The following STK39 variants were observed in gnomAD, a reference collection of about 807,000 sequenced individuals.
STK39 encodes the protein serine/threonine kinase 39.
Under a neutral mutation model 77.8 loss-of-function variants are expected in STK39, and 20 were observed. The observed-to-expected ratio is 0.26, with a 90% CI of 0.18 to 0.37. The LOEUF (loss-of-function observed/expected upper bound fraction) is 0.37, where lower values mean the gene tolerates loss of function less well. Ranked by LOEUF, STK39 falls within the 10% of genes least tolerant of loss-of-function variation. The pLI, the probability that STK39 is intolerant of heterozygous loss-of-function variation, is 1.00. For missense variants in STK39, 479 were observed against 656.5 expected, an observed-to-expected ratio of 0.73 and a Z score of 2.95; for synonymous variants, 246 against 234.1, an observed-to-expected ratio of 1.05 and a Z score of -0.47.
chr2:168,113,686 G>A (rs1017693601), intron 10 of STK39, among the ~76,000 whole-genome samples: 1 of 152,122 alleles, frequency 6.6e-6, no homozygotes, highest in Admixed American at 6.6e-5. Flanking sequence ...TCAGTCACTC[G>A]CACCACTCTC....
chr2:167,994,465 A>T (rs1683781055), intron 16 of STK39, among the ~76,000 whole-genome samples: 1 of 152,216 alleles, frequency 6.6e-6, no homozygotes, highest in Non-Finnish European at 1.5e-5. Flanking sequence ...GCATAAAATC[A>T]ACTCTTTTAA....
At chr2:168,120,898 C>G (rs1016532541) in intron 10 of STK39, among the ~76,000 whole-genome samples, 1 of 152,024 alleles carries the variant, frequency 6.6e-6, no homozygotes, top group African/African-American at 2.4e-5. Context: ...TCACCTCCTT[C>G]CCTCTACACT....
At chr2:168,056,532 T>C (rs1685531323) in intron 14 of STK39, among the ~76,000 whole-genome samples, 1 of 152,106 alleles carries the variant, frequency 6.6e-6, no homozygotes, top group African/African-American at 2.4e-5. Flanking sequence ...CTGTGGAGCA[T>C]AACACACATA....
intron 14 of STK39, among the ~76,000 whole-genome samples, chr2:168,030,415 A>T (rs184251799): frequency 2.7e-3 from 414 of 152,352 alleles, no homozygotes; most frequent in Middle Eastern, 6.8e-3. Flanking sequence ...AACTTTAGCC[A>T]AGAAATCACA....
chr2:168,187,250 G>A (rs1380323461), intron 1 of STK39, among the ~76,000 whole-genome samples: 4 of 152,036 alleles, frequency 2.6e-5, no homozygotes, highest in African/African-American at 4.8e-5. Flanking sequence ...ACTCAGGAGG[G>A]TGAGGTGGGA....
chr2:168,209,796 C>T (rs908451912), intron 1 of STK39, among the ~76,000 whole-genome samples: 5 of 152,098 alleles, frequency 3.3e-5, no homozygotes, highest in African/African-American at 4.8e-5. Context: ...GTCAGGAGTT[C>T]GAGACCAGCC....
At chr2:168,149,168 G>C (rs1392072577) in intron 5 of STK39, among the ~76,000 whole-genome samples, 1 of 144,528 alleles carries the variant, frequency 6.9e-6, no homozygotes, top group African/African-American at 2.7e-5. Flanking sequence ...CTCTGCCCTA[G>C]TCCTGACCTG....
At position 168,213,378 on chromosome 2, in the gene STK39, AG is replaced by A. The variant is rs1186193574; in HGVS notation, c.209-31289del. ...CACTTAGTAAATATTCACTATTGTTAGATAAAAAGATGTTCACAGTATACTA... is the reference window on the plus strand; with the variant it reads ...CACTTAGTAAATATTCACTATTGTTAATAAAAAGATGTTCACAGTATACTA... On this transcript the variant is annotated intron_variant, in intron 1 of 17. Transcript: ENST00000355999. 5.9e-5 allele frequency among the ~76,000 whole-genome samples: 9 copies of A among 152,336 alleles called. No individual in the cohort carries two copies. The South Asian group carries it at 8.3e-4, about 14-fold the overall frequency.
intron 14 of STK39, among the ~76,000 whole-genome samples, chr2:168,049,730 G>GGTT (rs1405998419): frequency 2.0e-5 from 3 of 152,202 alleles, no homozygotes; most frequent in Non-Finnish European, 4.4e-5. Flanking sequence ...TAGTAACTAT[G>GGTT]ACTCCAGCCA....
intron 10 of STK39, among the ~76,000 whole-genome samples, chr2:168,117,661 A>C (rs951645586): frequency 6.6e-6 from 1 of 152,156 alleles, no homozygotes; most frequent in Non-Finnish European, 1.5e-5. Flanking sequence ...GTGTAGGGAG[A>C]GGCCTTCATG....
At chr2:168,152,082 G>C (rs1343189922) in intron 5 of STK39, among the ~76,000 whole-genome samples, 1 of 152,206 alleles carries the variant, frequency 6.6e-6, no homozygotes, top group Admixed American at 6.5e-5. Context: ...GGGAAGGCTG[G>C]AGCAGGAGTC....
At chr2:168,143,570 T>C (rs1478121037) in intron 5 of STK39, among the ~76,000 whole-genome samples, 1 of 152,042 alleles carries the variant, frequency 6.6e-6, no homozygotes, top group Non-Finnish European at 1.5e-5. Context: ...AAAAATCAGC[T>C]GGGCCTGGTG....
intron 3 of STK39, among the ~76,000 whole-genome samples, chr2:168,165,127 T>C (rs1293043210): frequency 6.6e-6 from 1 of 152,152 alleles, no homozygotes; most frequent in Admixed American, 6.5e-5. Flanking sequence ...AAAATGATAA[T>C]TCCAAAAACA....
At chr2:168,094,957 C>T (rs530209261) in intron 10 of STK39, among the ~76,000 whole-genome samples, 1 of 152,290 alleles carries the variant, frequency 6.6e-6, no homozygotes, top group South Asian at 2.1e-4. Context: ...CAGTTGTCTT[C>T]CCCCTTCTGT....
chr2:168,071,114 C>T (rs1479856196), intron 12 of STK39, among the ~76,000 whole-genome samples: 2 of 152,066 alleles, frequency 1.3e-5, no homozygotes, highest in South Asian at 2.1e-4. Context: ...CTAAAATATC[C>T]CTAGTTTACT....
chr2:168,228,683 G>C (rs56386950), intron 1 of STK39, among the ~76,000 whole-genome samples: 31,663 of 152,030 alleles, frequency 0.21, 3,977 homozygotes, highest in Non-Finnish European at 0.29. Flanking sequence ...TCAGCTGCTT[G>C]GGAGGCTGAG....
intron 16 of STK39, among the ~76,000 whole-genome samples, chr2:168,000,776 C>G (rs945873578): frequency 6.6e-6 from 1 of 152,172 alleles, no homozygotes; most frequent in Non-Finnish European, 1.5e-5. Flanking sequence ...AAGAAATGAG[C>G]CATGAACGTG....
intron 5 of STK39, among the ~76,000 whole-genome samples, chr2:168,144,313 T>A (rs1185084120): frequency 6.6e-6 from 1 of 152,168 alleles, no homozygotes; most frequent in Non-Finnish European, 1.5e-5. Context: ...TTATTTATTT[T>A]ATTTTTTTGA....
Position 168,133,719 on chromosome 2 carries a change from G to A in STK39, c.975-3961C>T, listed in dbSNP as rs190780943. ...TTAAAAATACAAAAATTAGCCAGGC[G>A]TGATGGCGGGCACCTGTAATCCCAG... On this transcript the variant is annotated intron_variant, in intron 8 of 17. Transcript: ENST00000355999. Among the ~76,000 whole-genome samples, 25 of 152,126 alleles carry A rather than the reference G, an allele frequency of 1.6e-4. No homozygotes were observed. In the East Asian group the frequency reaches 2.7e-3, roughly 17 times the overall value.
Sources: allele counts gnomAD v4.1 joint callset (sites outside exome capture counted in the v4.1 genomes callset), GRCh38; gene constraint gnomAD v4.1.1; transcripts MANE v1.5; gene names NCBI Gene and HGNC (gene_info 2026-07-23, HGNC 2026-07-21).